ACSS3: variants seen among roughly 807,000 people sequenced by gnomAD.
ACSS3 encodes acyl-CoA synthetase short chain family member 3.
In ACSS3, 64 loss-of-function variants were observed where a neutral mutation model predicts 84.2. The ratio of observed to expected loss-of-function variants is 0.76; its 90% CI spans 0.62 to 0.94. The LOEUF (loss-of-function observed/expected upper bound fraction) is 0.94. Ranked by LOEUF, ACSS3 falls within the 40% of genes least tolerant of loss-of-function variation. The pLI, the probability that ACSS3 is intolerant of heterozygous loss-of-function variation, is 0.00. For synonymous variants in ACSS3, 317 were observed against 310.1 expected (o/e 1.02, Z -0.23); for missense variants, 815 against 867.6 (o/e 0.94, Z 0.76).
chr12:81,241,811 C>A (rs1331150922), intron 13 of ACSS3, among the ~76,000 whole-genome samples: 1 of 152,016 alleles, frequency 6.6e-6, no homozygotes, highest in African/African-American at 2.4e-5. Flanking sequence ...ATGGTAGTTT[C>A]TTTTGCTGTG....
chr12:81,127,968 G>A (rs929703388), intron 2 of ACSS3, among the ~76,000 whole-genome samples: 1 of 151,956 alleles, frequency 6.6e-6, no homozygotes, highest in Non-Finnish European at 1.5e-5. Flanking sequence ...AGATTTTCCA[G>A]AATGATAACA....
At chr12:81,213,831 C>CTCTTCTCTTCTCTTG (rs2032742254) in intron 9 of ACSS3, among the ~76,000 whole-genome samples, 1 of 92,302 alleles carries the variant, frequency 1.1e-5, no homozygotes, top group African/African-American at 3.8e-5. Context: ...CTCTTCTCTT[C>CTCTTCTCTTCTCTTG]TCTTCTCTTC....
chr12:81,224,541 T>TG (rs2033206417), intron 11 of ACSS3, among the ~76,000 whole-genome samples: 2 of 142,888 alleles, frequency 1.4e-5, no homozygotes, highest in African/African-American at 5.2e-5. Flanking sequence ...TATATGCATA[T>TG]ACATACATAC....
chr12:81,118,814 GA>G (rs1884290338), intron 2 of ACSS3, among the ~76,000 whole-genome samples: 1 of 152,148 alleles, frequency 6.6e-6, no homozygotes, highest in Admixed American at 6.6e-5. Context: ...GGGCCATAAA[GA>G]TGAACTAAAA....
In ACSS3 at chr12:81,109,702, C is replaced by A; in HGVS notation, c.454C>A (p.Gln152Lys). ...ATFTYKEVLE[Q>K]VSKLAGVLVK... ...CTTTACCTATAAAGAAGTTCTGGAG[C>A]AGGTAATATCATAAACTTTATATAT... The change falls in exon 2 of 16, where the codon CAG becomes AAG. Residue 152 changes from glutamine (Q) to lysine (K), a missense_variant and splice_region_variant. Gln to Lys is a moderately conservative substitution (Grantham distance 53). Coordinates refer to ENST00000548058, the MANE Select transcript of ACSS3 (RefSeq NM_024560.4). 6.3e-7 allele frequency: 1 copy of A among 1,587,776 alleles called. No homozygotes were observed.
chr12:81,098,629 T>C (rs1487171364), intron 1 of ACSS3, among the ~76,000 whole-genome samples: 2 of 152,344 alleles, frequency 1.3e-5, no homozygotes, highest in East Asian at 3.9e-4. Flanking sequence ...CTTGATACAA[T>C]TCTTTAAAAT....
In ACSS3 at chr12:81,257,240, T is replaced by G. The variant is rs1181627292; in HGVS notation, c.*2318T>G. The stretch of plus-strand genomic sequence containing the variant: ...GTGCTGGAGACTGGGGAAGTGGCTA[T>G]TTCCTGTGTCTCACTGGGGAATTGC... On this transcript the variant is annotated 3_prime_UTR_variant, in exon 16 of 16. Coordinates refer to ENST00000548058, the MANE Select transcript of ACSS3 (RefSeq NM_024560.4). 7 of 152,148 alleles carry G rather than the reference T, an allele frequency of 4.6e-5. No individual in the cohort carries two copies. The highest frequency in any genetic ancestry group is 3.9e-4 in the Admixed American group (6 of 15,258). 9.4% of individuals were successfully genotyped at this position (152,148 alleles called of 1,614,324 possible).
intron 9 of ACSS3, among the ~76,000 whole-genome samples, chr12:81,213,116 T>C (rs965233306): frequency 1.3e-5 from 2 of 152,202 alleles, no homozygotes; most frequent in Non-Finnish European, 2.9e-5. Flanking sequence ...ACATGACATC[T>C]AGATTTCTTG....
chr12:81,121,655 C>G (rs1884613896), intron 2 of ACSS3, among the ~76,000 whole-genome samples: 1 of 151,990 alleles, frequency 6.6e-6, no homozygotes, highest in South Asian at 2.1e-4. Flanking sequence ...TATTAATTTA[C>G]TATAATGAAT....
intron 2 of ACSS3, among the ~76,000 whole-genome samples, chr12:81,127,717 T>C (rs896033113): frequency 6.6e-6 from 1 of 152,188 alleles, no homozygotes; most frequent in African/African-American, 2.4e-5. Context: ...TTCATACAGT[T>C]TTCTTTGATG....
In ACSS3 at chr12:81,255,243, T is replaced by G. The variant is rs548007195; in HGVS notation, c.*321T>G. On this transcript the variant is annotated 3_prime_UTR_variant, in exon 16 of 16. Transcript: ENST00000548058. ...AGAACACTTTAATTGAAAGCAACAC[T>G]AATATAGAGCCACTTCCTGAAACCA... The G allele has an allele frequency of 1.9e-4, 34 of 179,098 alleles. 1 individual carries two copies. The highest frequency in any genetic ancestry group is 7.5e-4 in the African/African-American group (32 of 42,644). The allele number at this position is 179,098 out of a possible 1,614,324, so 11.1% of individuals were successfully genotyped here.
At chr12:81,217,174 G>A (rs1208917494) in intron 10 of ACSS3, among the ~76,000 whole-genome samples, 178 bp downstream of exon 10, 1 of 151,906 alleles carries the variant, frequency 6.6e-6, no homozygotes, top group African/African-American at 2.4e-5. Context: ...TGGATTTCCA[G>A]GATATGTTCT....
Position 81,143,166 on chromosome 12 carries a change from C to CCAGT in ACSS3, c.843_846dup (p.His283ValfsTer3). ...ATTGGGATGAAGAGATGGCAAAAGC[C>CCAGT]CAGTCACATGACTGTGTTCCTGTTC... On this transcript the variant is annotated frameshift_variant, in exon 5 of 16. Coordinates refer to ENST00000548058, the MANE Select transcript of ACSS3 (RefSeq NM_024560.4). LOFTEE classifies it high-confidence loss of function. 6.2e-7 allele frequency: 1 copy of CCAGT among 1,613,714 alleles called. No individual in the cohort carries two copies. Among genetic ancestry groups the CCAGT allele is most frequent in the Non-Finnish European group, 8.5e-7 (1 of 1,179,732 alleles).
chr12:81,146,012 C>T (rs986561777), intron 5 of ACSS3, among the ~76,000 whole-genome samples: 2 of 152,204 alleles, frequency 1.3e-5, no homozygotes, highest in Non-Finnish European at 2.9e-5. Flanking sequence ...TTTTACATTA[C>T]CAACAGACCT....
intron 13 of ACSS3, among the ~76,000 whole-genome samples, chr12:81,234,284 C>T (rs756663466): frequency 4.0e-5 from 6 of 150,932 alleles, no homozygotes; most frequent in South Asian, 2.1e-4. Flanking sequence ...AACAAGTTTA[C>T]GTATCCATTC....
intron 7 of ACSS3, among the ~76,000 whole-genome samples, chr12:81,165,044 T>A (rs12578756): frequency 0.025 from 3,792 of 152,286 alleles, 148 homozygotes; most frequent in East Asian, 0.18. Flanking sequence ...TTACTCTGAT[T>A]CAGGCTATAT....
At chr12:81,180,065 T>C (rs1171783921) in intron 8 of ACSS3, among the ~76,000 whole-genome samples, 4 of 152,194 alleles carry the variant, frequency 2.6e-5, no homozygotes, top group Non-Finnish European at 2.9e-5. Context: ...AAAAAGAGTA[T>C]CATGGCCTTC....
chr12:81,086,400 A>G (rs1881313490), intron 1 of ACSS3, among the ~76,000 whole-genome samples: 2 of 152,192 alleles, frequency 1.3e-5, no homozygotes, highest in South Asian at 4.1e-4. Context: ...GCCTTATTTT[A>G]TATTCTGAAG....
At chr12:81,205,445 A>G (rs1040516127) in intron 9 of ACSS3, among the ~76,000 whole-genome samples, 13 of 152,250 alleles carry the variant, frequency 8.5e-5, no homozygotes, top group African/African-American at 3.1e-4. Flanking sequence ...GAAATTGTTT[A>G]AGACAGCAAT....
Sources: gnomAD v4.1 joint callset for allele counts (sites outside exome capture counted in the v4.1 genomes callset) on GRCh38, gnomAD v4.1.1 for gene constraint, MANE v1.5 for transcripts, NCBI Gene and HGNC (gene_info 2026-07-23, HGNC 2026-07-21) for gene names.